The following KCNT2 variants were observed in gnomAD, a reference collection of about 807,000 sequenced individuals.
The protein encoded by KCNT2 is potassium channel subfamily T member 2.
KCNT2 carries 67 observed loss-of-function variants against 153.8 expected under a neutral mutation model. The ratio of observed to expected loss-of-function variants is 0.44; its 90% CI spans 0.36 to 0.53. The LOEUF is 0.53. Ranked by LOEUF, KCNT2 falls within the 20% of genes least tolerant of loss-of-function variation. The pLI, the probability that KCNT2 is intolerant of heterozygous loss-of-function variation, is 0.00. For missense variants in KCNT2, 975 were observed against 1,354.8 expected, an observed-to-expected ratio of 0.72 and a Z score of 4.40; for synonymous variants, 500 against 458.8, an observed-to-expected ratio of 1.09 and a Z score of -1.15.
At chr1:196,504,477 T>C (rs1333923838) in intron 1 of KCNT2, among the ~76,000 whole-genome samples, 6 of 152,070 alleles carry the variant, frequency 3.9e-5, no homozygotes, top group African/African-American at 1.2e-4. Context: ...CTTAATCCAG[T>C]CTATCATTGT....
chr1:196,559,094 T>C (rs749891849), intron 1 of KCNT2, among the ~76,000 whole-genome samples: 43 of 151,506 alleles, frequency 2.8e-4, no homozygotes, highest in Non-Finnish European at 5.0e-4. Context: ...AGTCCTATGT[T>C]GATCTCATTT....
rs199836975 is a variant in KCNT2, at chr1:196,570,067, T to TAAAAAAAAAAAAAAAAAAA, written c.95+38129_95+38147dup. Among the ~76,000 whole-genome samples the TAAAAAAAAAAAAAAAAAAA allele has an allele frequency of 1.3e-4, 18 of 133,738 alleles. 1 individual carries two copies. The highest frequency in any genetic ancestry group is 5.8e-4 in the African/African-American group (16 of 27,558). 87.7% of individuals were successfully genotyped at this position (133,738 alleles called of 152,430 possible). On this transcript the variant is annotated intron_variant, in intron 1 of 27. Transcript: ENST00000294725. ...TGAGTCCAGGAAGCTTGAGCTAGAG[T>TAAAAAAAAAAAAAAAAAAA]AAAAAAAAAAAAAAAAAAAAAAAAA...
chr1:196,257,954 A>G, intron 26 of KCNT2: 2 of 1,145,674 alleles, frequency 1.7e-6, no homozygotes, highest in Middle Eastern at 3.6e-4. Flanking sequence ...TAAAATTAAG[A>G]TAATTCATGT....
At chr1:196,232,014 C>A (rs1205156707) in intron 27 of KCNT2, among the ~76,000 whole-genome samples, 1 of 151,762 alleles carries the variant, frequency 6.6e-6, no homozygotes, top group Non-Finnish European at 1.5e-5. Flanking sequence ...AAAGTTTGCA[C>A]TTTTGTCTTA....
chr1:196,472,537 C>T (rs972173261), intron 5 of KCNT2, among the ~76,000 whole-genome samples: 1 of 152,040 alleles, frequency 6.6e-6, no homozygotes, highest in Non-Finnish European at 1.5e-5. Context: ...TAGCTCGAAC[C>T]AATATTTTAT....
At chr1:196,351,546 A>G (rs1024296285) in intron 14 of KCNT2, among the ~76,000 whole-genome samples, 3 of 152,038 alleles carry the variant, frequency 2.0e-5, no homozygotes, top group African/African-American at 7.2e-5. Context: ...ATTTTTGTAC[A>G]TTGATTTTGT....
intron 1 of KCNT2, among the ~76,000 whole-genome samples, chr1:196,603,812 G>A (rs1203112037): frequency 6.6e-6 from 1 of 152,222 alleles, no homozygotes; most frequent in Non-Finnish European, 1.5e-5. Context: ...AGTTGGAATT[G>A]TGACAATTTA....
intron 14 of KCNT2, among the ~76,000 whole-genome samples, chr1:196,349,668 C>T (rs890326113): frequency 5.3e-5 from 8 of 151,438 alleles, no homozygotes; most frequent in East Asian, 1.9e-4. Context: ...ATAGGTCAAA[C>T]CTTTTTATTT....
intron 19 of KCNT2, among the ~76,000 whole-genome samples, chr1:196,324,588 G>A (rs1293786308): frequency 6.6e-6 from 1 of 152,134 alleles, no homozygotes; most frequent in Admixed American, 6.6e-5. Context: ...CAACTAAAAT[G>A]TAAAGTAAAG....
chr1:196,568,727 G>C (rs1660420829), intron 1 of KCNT2, among the ~76,000 whole-genome samples: 1 of 151,616 alleles, frequency 6.6e-6, no homozygotes, highest in African/African-American at 2.4e-5. Flanking sequence ...CCACAGACCA[G>C]TATTGGTCAG....
At chr1:196,490,860 T>C (rs950739764) in intron 2 of KCNT2, among the ~76,000 whole-genome samples, 1 of 152,154 alleles carries the variant, frequency 6.6e-6, no homozygotes, top group Middle Eastern at 3.4e-3. Context: ...GGCCTTCCTA[T>C]AATTATTACT....
intron 1 of KCNT2, among the ~76,000 whole-genome samples, chr1:196,605,203 A>G (rs535135293): frequency 1.6e-3 from 251 of 152,324 alleles, no homozygotes; most frequent in Non-Finnish European, 2.8e-3. Flanking sequence ...GAAAACAGCT[A>G]TCTTGATGCA....
intron 26 of KCNT2, among the ~76,000 whole-genome samples, chr1:196,238,569 G>T (rs943530262): frequency 6.6e-6 from 1 of 151,856 alleles, no homozygotes; most frequent in Admixed American, 6.6e-5. Context: ...AAAAGAATTT[G>T]CTGACTTCAA....
chr1:196,497,403 T>C (rs1680340879), intron 1 of KCNT2, among the ~76,000 whole-genome samples: 1 of 152,196 alleles, frequency 6.6e-6, no homozygotes, highest in Admixed American at 6.5e-5. Flanking sequence ...GTCATTATTC[T>C]TTAGGCAATA....
At chr1:196,477,455 G>C (rs1272815708) in intron 5 of KCNT2, among the ~76,000 whole-genome samples, 1 of 151,974 alleles carries the variant, frequency 6.6e-6, no homozygotes, top group Non-Finnish European at 1.5e-5. Flanking sequence ...CCAGGTGGCA[G>C]TGTGCACGTA....
intron 1 of KCNT2, among the ~76,000 whole-genome samples, chr1:196,573,795 A>G (rs1484689992): frequency 6.6e-6 from 1 of 152,066 alleles, no homozygotes; most frequent in Non-Finnish European, 1.5e-5. Flanking sequence ...GAAGAGATAT[A>G]AAATGTTTTT....
intron 12 of KCNT2, among the ~76,000 whole-genome samples, chr1:196,420,976 T>G (rs1673153853): frequency 6.6e-6 from 1 of 152,038 alleles, no homozygotes; most frequent in South Asian, 2.1e-4. Context: ...TATTCATGTA[T>G]TTAGTCATAC....
At chr1:196,438,759 C>G (rs1674951518) in intron 8 of KCNT2, among the ~76,000 whole-genome samples, 1 of 151,696 alleles carries the variant, frequency 6.6e-6, no homozygotes, top group South Asian at 2.1e-4. Context: ...ATATAAAAGA[C>G]AGTGTATCTG....
chr1:196,402,308 A>G (rs949193319), intron 12 of KCNT2, among the ~76,000 whole-genome samples: 9 of 151,620 alleles, frequency 5.9e-5, no homozygotes, highest in Non-Finnish European at 1.5e-5. Flanking sequence ...TCTATAAAAT[A>G]TATAATCTGA....
Sources: allele counts gnomAD v4.1 joint callset (sites outside exome capture counted in the v4.1 genomes callset), GRCh38; gene constraint gnomAD v4.1.1; transcripts MANE v1.5; gene names NCBI Gene and HGNC (gene_info 2026-07-23, HGNC 2026-07-21).